Variants in STARD13 observed in about 807,000 individuals in gnomAD.
STARD13 encodes StAR related lipid transfer domain containing 13, also known as stAR-related lipid transfer protein 13.
Under a neutral mutation model 106.4 loss-of-function variants are expected in STARD13, and 62 were observed. The ratio of observed to expected loss-of-function variants is 0.58; its 90% CI spans 0.48 to 0.72. The LOEUF is 0.72. STARD13 is among the 30% of genes least tolerant of loss of function. The pLI is 0.00. For missense variants in STARD13, 1,387 were observed against 1,424.0 expected (o/e 0.97, Z 0.42); for synonymous variants, 565 against 553.0 (o/e 1.02, Z -0.31).
chr13:33,362,574 CTT>C, the STARD13 span, among the ~76,000 whole-genome samples: 1 of 152,208 alleles, frequency 6.6e-6, no homozygotes, highest in Non-Finnish European at 1.5e-5. Flanking sequence ...TTTTATCTCT[CTT>C]TGCATCCCCT....
the STARD13 span, among the ~76,000 whole-genome samples, chr13:33,470,565 C>T: frequency 3.9e-4 from 59 of 152,324 alleles, no homozygotes; most frequent in Non-Finnish European, 6.9e-4. Flanking sequence ...TCCTATTTCT[C>T]CACATCCTCT....
chr13:33,428,967 A>T, the STARD13 span, among the ~76,000 whole-genome samples: 1 of 152,206 alleles, frequency 6.6e-6, no homozygotes, highest in Non-Finnish European at 1.5e-5. Flanking sequence ...TCAAAACTAC[A>T]ATGAGATATC....
In STARD13 at chr13:33,130,929, C is replaced by A. The variant is rs1465094144; in HGVS notation, c.388-640G>T. Reference sequence around the variant, plus strand: ...TTTGTGATCCAATCCGGCTACTCTGCATGAGCGTCTTTTTCTGTGGAATCA... The same window carrying A: ...TTTGTGATCCAATCCGGCTACTCTGAATGAGCGTCTTTTTCTGTGGAATCA... On this transcript the variant is annotated intron_variant, in intron 4 of 13. Coordinates refer to ENST00000336934, the MANE Select transcript of STARD13 (RefSeq NM_178006.4). This position sits in a 1 kb window ranked among gnomAD's most constrained non-coding sequence, Gnocchi z 4.1. Among the ~76,000 whole-genome samples the A allele has an allele frequency of 2.0e-5, 3 of 152,230 alleles. No homozygotes were observed. The highest frequency in any genetic ancestry group is 2.9e-5 in the Non-Finnish European group (2 of 68,038).
the STARD13 span, among the ~76,000 whole-genome samples, chr13:33,360,449 A>G: frequency 0.95 from 143,410 of 151,708 alleles, 68,330 homozygotes; most frequent in East Asian, 1. Flanking sequence ...TGTGATCCAC[A>G]CACCTCGGCC....
the STARD13 span, among the ~76,000 whole-genome samples, chr13:33,443,341 C>G: frequency 1.3e-5 from 2 of 148,960 alleles, no homozygotes; most frequent in Admixed American, 6.7e-5. Context: ...AGTGCCACTG[C>G]ACTCTAGCCT....
chr13:33,488,168 A>G, the STARD13 span, among the ~76,000 whole-genome samples: 3 of 151,316 alleles, frequency 2.0e-5, no homozygotes, highest in African/African-American at 7.3e-5. Flanking sequence ...CCTTTTTCTC[A>G]TTACTCCTTC....
At chr13:33,602,249 G>A in the STARD13 span, among the ~76,000 whole-genome samples, 7 of 151,952 alleles carry the variant, frequency 4.6e-5, no homozygotes, top group African/African-American at 7.3e-5. Context: ...GTGCAACCAC[G>A]CCCAGCTAAT....
At chr13:33,186,936 C>T (rs941271944) in intron 1 of STARD13, among the ~76,000 whole-genome samples, 2 of 152,188 alleles carry the variant, frequency 1.3e-5, no homozygotes, top group Non-Finnish European at 2.9e-5. Flanking sequence ...GGAAGTAGTT[C>T]ACAGCAACGC....
intron 1 of STARD13, among the ~76,000 whole-genome samples, chr13:33,226,992 G>C (rs1463323518): frequency 1.3e-5 from 2 of 152,046 alleles, no homozygotes; most frequent in Non-Finnish European, 2.9e-5. Context: ...AATTTCTGAA[G>C]TTTTAAAGAG....
chr13:33,103,444 G>T lies in STARD13; in HGVS notation c.*2149C>A, dbSNP rs1466939319. ...TTACTATGTGCACAAAAACAAAAAA[G>T]TCAGATAATTCGAAGAGAGGGAGAA... On this transcript the variant is annotated 3_prime_UTR_variant, in exon 14 of 14. Coordinates refer to ENST00000336934, the MANE Select transcript of STARD13 (RefSeq NM_178006.4). 2 of 152,592 alleles carry T rather than the reference G, an allele frequency of 1.3e-5. No individual in the cohort carries two copies. Among genetic ancestry groups the T allele is most frequent in the Non-Finnish European group, 2.9e-5 (2 of 68,040 alleles). 9.5% of individuals were successfully genotyped at this position (152,592 alleles called of 1,614,324 possible). A position where few individuals can be genotyped will look rare whatever the true frequency, so the allele number is the denominator to read the frequency against.
chr13:33,234,795 G>A (rs943952621), intron 1 of STARD13, among the ~76,000 whole-genome samples: 1 of 152,124 alleles, frequency 6.6e-6, no homozygotes, highest in African/African-American at 2.4e-5. Context: ...ACTTTAGAAG[G>A]TTGTAAAAAA....
At chr13:33,356,016 T>G in the STARD13 span, among the ~76,000 whole-genome samples, 12 of 152,260 alleles carry the variant, frequency 7.9e-5, no homozygotes, top group Non-Finnish European at 7.3e-5. Context: ...GGTAAATGCT[T>G]TGAATCTTCA....
chr13:33,535,770 A>G, the STARD13 span, among the ~76,000 whole-genome samples: 26 of 152,340 alleles, frequency 1.7e-4, no homozygotes, highest in East Asian at 4.2e-3. Context: ...TTGGGGATAA[A>G]GGGAACTTTG....
the STARD13 span, among the ~76,000 whole-genome samples, chr13:33,391,820 A>G: frequency 6.6e-6 from 1 of 152,108 alleles, no homozygotes; most frequent in African/African-American, 2.4e-5. Context: ...GCCCTGCTTC[A>G]GAGGAAACAC....
At chr13:33,233,330 G>A (rs1356559941) in intron 1 of STARD13, among the ~76,000 whole-genome samples, 3 of 151,944 alleles carry the variant, frequency 2.0e-5, no homozygotes, top group Non-Finnish European at 4.4e-5. Context: ...TGGTATCTTC[G>A]CTTTAACCTT....
the STARD13 span, among the ~76,000 whole-genome samples, chr13:33,430,176 C>T: frequency 6.6e-6 from 1 of 152,196 alleles, no homozygotes; most frequent in African/African-American, 2.4e-5. Flanking sequence ...CTCGGCCTCC[C>T]AAAGTACTGG....
the STARD13 span, among the ~76,000 whole-genome samples, chr13:33,392,730 C>T: frequency 6.6e-6 from 1 of 152,186 alleles, no homozygotes; most frequent in East Asian, 1.9e-4. Flanking sequence ...TATTCTATCA[C>T]ATCATTGTAT....
intron 1 of STARD13, among the ~76,000 whole-genome samples, chr13:33,320,174 T>C (rs951095178): frequency 7.9e-5 from 12 of 152,256 alleles, no homozygotes; most frequent in African/African-American, 2.9e-4. Flanking sequence ...ATGTGTTTTG[T>C]CACTTTTGCA....
At chr13:33,194,585 T>C (rs143693594) in intron 1 of STARD13, among the ~76,000 whole-genome samples, 375 of 152,314 alleles carry the variant, frequency 2.5e-3, no homozygotes, top group African/African-American at 8.5e-3. Flanking sequence ...ATTACTTTAA[T>C]ATAAACTAGA....
Sources: gnomAD v4.1 joint callset for allele counts (sites outside exome capture counted in the v4.1 genomes callset) on GRCh38, gnomAD v4.1.1 for gene constraint, Gnocchi (gnomAD v3.1) non-coding constraint, MANE v1.5 for transcripts, NCBI Gene and HGNC (gene_info 2026-07-23, HGNC 2026-07-21) for gene names.